Variants in MTERF4 observed in about 807,000 individuals in gnomAD.
The protein encoded by MTERF4 is mitochondrial transcription termination factor 4.
A neutral mutation model predicts 22.5 loss-of-function variants in MTERF4; 17 were observed. The observed-to-expected ratio is 0.75, with a 90% CI of 0.52 to 1.13. MTERF4 has a LOEUF of 1.13. MTERF4 is among the 50% of genes most tolerant of loss of function. MTERF4 has a pLI of 0.00. For missense variants in MTERF4, 420 were observed against 466.8 expected (o/e 0.90, Z 0.92); for synonymous variants, 165 against 175.3 (o/e 0.94, Z 0.47).
At chr2:241,048,345 C>A in the MTERF4 span, 1 of 1,610,338 alleles carries the variant, frequency 6.2e-7, no homozygotes, top group South Asian at 1.1e-5. Context: ...GCCTGCCTCT[C>A]GGCCCCTTGC....
At chr2:241,090,728 A>G (rs2063901628), downstream of MTERF4, among the ~76,000 whole-genome samples, 1 of 152,148 alleles carries the variant, frequency 6.6e-6, no homozygotes, top group Non-Finnish European at 1.5e-5. Flanking sequence ...TTAGTCAGAC[A>G]TGGTGGTGGG....
the MTERF4 span, chr2:241,064,118 CGAG>C: frequency 6.4e-7 from 1 of 1,557,300 alleles, no homozygotes. This position sits in a 1 kb window ranked among gnomAD's most constrained non-coding sequence, Gnocchi z 7.0. Context: ...GCTACCACTG[CGAG>C]ACAGGTAGGG....
At chr2:241,066,754 G>A in the MTERF4 span, among the ~76,000 whole-genome samples, 10,778 of 152,178 alleles carry the variant, frequency 0.071, 453 homozygotes, top group East Asian at 0.18. Flanking sequence ...GGAGGAGCTC[G>A]GCGGTTCTCA....
At chr2:241,062,731 G>C in the MTERF4 span, 1 of 1,113,414 alleles carries the variant, frequency 9.0e-7, no homozygotes, top group South Asian at 1.3e-5. Flanking sequence ...TAGTTTATGT[G>C]CATCTTAATT....
At chr2:241,076,744 C>G (rs777110453) in intron 4 of MTERF4, among the ~76,000 whole-genome samples, 4 of 151,612 alleles carry the variant, frequency 2.6e-5, no homozygotes, top group Admixed American at 6.6e-5. Context: ...TGGAAAAGAA[C>G]TGAGAGTCCA....
chr2:241,072,973 GC>G, exon 5 of MTERF4: 1 of 454,464 alleles, frequency 2.2e-6, no homozygotes, highest in East Asian at 3.3e-5. Flanking sequence ...AACCGCATCA[GC>G]CGTGAGGATG....
downstream of MTERF4, chr2:241,070,201 TGTGAGTGCC>T (rs1416293399): frequency 6.2e-7 from 1 of 1,602,292 alleles, no homozygotes; most frequent in Non-Finnish European, 8.5e-7. Context: ...CATCATCACC[TGTGAGTGCC>T]GTGGGCCCTG....
chr2:241,087,265 A>C (rs1432629178), downstream of MTERF4: 2 of 734,954 alleles, frequency 2.7e-6, no homozygotes, highest in Admixed American at 3.1e-5. Context: ...GTCACGTTTC[A>C]TTCAGAAAAT....
intron 1 of MTERF4, chr2:241,102,024 G>T (rs2064732312): frequency 3.4e-6 from 2 of 595,538 alleles, no homozygotes; most frequent in Admixed American, 6.3e-5. Context: ...TTGCACTCCA[G>T]CCTGGAGACA....
downstream of MTERF4, chr2:241,090,293 T>C (rs774224996): frequency 5.2e-6 from 8 of 1,548,396 alleles, no homozygotes; most frequent in Non-Finnish European, 6.1e-6. Context: ...GGCAGGATCA[T>C]CCATGTCACC....
At position 241,073,062 on chromosome 2, in the gene MTERF4, TC is replaced by T; in HGVS notation, n.3099del. 1 of 566,288 alleles carries T rather than the reference TC, an allele frequency of 1.8e-6. No individual in the cohort carries two copies. Among genetic ancestry groups the T allele is most frequent in the Non-Finnish European group, 3.2e-6 (1 of 317,424 alleles). The allele number at this position is 566,288 out of a possible 1,614,324, so 35.1% of individuals were successfully genotyped here. A position where few individuals can be genotyped will look rare whatever the true frequency, so the allele number is the denominator to read the frequency against. ...CCCTGCAAGGGGAAGGCCGAGCCCC[TC>T]CAGAGGGTCAGCAGGAGGGTGAGGC... is the stretch of plus-strand genomic sequence containing the variant. On this transcript the variant is annotated non_coding_transcript_exon_variant, in exon 5 of 5. Transcript: ENST00000464344. This position sits in a 1 kb window ranked among gnomAD's most constrained non-coding sequence, Gnocchi z 6.6.
At chr2:241,087,572 C>G, downstream of MTERF4, 1 of 1,470,818 alleles carries the variant, frequency 6.8e-7, no homozygotes, top group Non-Finnish European at 9.0e-7. Context: ...GGCCTGTGGG[C>G]TGAGCCAGGC....
downstream of MTERF4, among the ~76,000 whole-genome samples, chr2:241,070,641 G>T (rs1279616533): frequency 6.6e-6 from 1 of 152,224 alleles, no homozygotes; most frequent in Non-Finnish European, 1.5e-5. Flanking sequence ...GGAATGCTGG[G>T]GAGCAGAGGC....
downstream of MTERF4, among the ~76,000 whole-genome samples, chr2:241,070,527 C>T (rs1176368733): frequency 1.3e-5 from 2 of 152,200 alleles, no homozygotes; most frequent in Non-Finnish European, 2.9e-5. Context: ...AGGAAGCCCC[C>T]GGAAGTGGCC....
the MTERF4 span, among the ~76,000 whole-genome samples, chr2:241,059,194 C>A: frequency 6.6e-6 from 1 of 152,120 alleles, no homozygotes; most frequent in African/African-American, 2.4e-5. Context: ...AGAACTGACA[C>A]AAGAATAATA....
At chr2:241,083,559 T>C (rs968423406), downstream of MTERF4, among the ~76,000 whole-genome samples, 1 of 152,164 alleles carries the variant, frequency 6.6e-6, no homozygotes, top group Non-Finnish European at 1.5e-5. Flanking sequence ...GAGATACTAA[T>C]CTGTGTTGGG....
downstream of MTERF4, among the ~76,000 whole-genome samples, chr2:241,083,437 G>A (rs1048465383): frequency 6.6e-5 from 10 of 152,194 alleles, no homozygotes; most frequent in African/African-American, 2.2e-4. Context: ...TGACATGTTC[G>A]ATTACACTAC....
At chr2:241,090,241 A>G (rs2063845100), downstream of MTERF4, 4 of 1,497,692 alleles carry the variant, frequency 2.7e-6, no homozygotes, top group East Asian at 9.9e-5. Flanking sequence ...TTTTGTTAAA[A>G]ACTAAGACAC....
downstream of MTERF4, chr2:241,071,329 G>C: frequency 1.7e-6 from 1 of 580,690 alleles, no homozygotes; most frequent in Non-Finnish European, 3.1e-6. Flanking sequence ...TGACTCCCAG[G>C]CCAGTGCACG....
Sources: allele counts gnomAD v4.1 joint callset (sites outside exome capture counted in the v4.1 genomes callset), GRCh38; gene constraint gnomAD v4.1.1; non-coding constraint Gnocchi (gnomAD v3.1); transcripts MANE v1.5; gene names NCBI Gene and HGNC (gene_info 2026-07-23, HGNC 2026-07-21).